ZNF236: variants seen among roughly 807,000 people sequenced by gnomAD.
ZNF236 encodes the protein zinc finger protein 236, also known as regulated by glucose.
A neutral mutation model predicts 191.2 loss-of-function variants in ZNF236; 50 were observed. The ratio of observed to expected loss-of-function variants is 0.26; its 90% confidence interval spans 0.21 to 0.33. ZNF236 has a LOEUF of 0.33. Among genes scored for constraint, ZNF236 ranks in the 10% least tolerant of loss-of-function variants. The pLI, the probability that ZNF236 is intolerant of heterozygous loss-of-function variation, is 1.00. For synonymous variants in ZNF236, 907 were observed against 928.8 expected (o/e 0.98, Z 0.43); for missense variants, 1,754 against 2,374.5 (o/e 0.74, Z 5.43).
chr18:76,880,034 C>G lies in ZNF236; in HGVS notation c.985-79C>G. On this transcript the variant is annotated intron_variant, in intron 7 of 30. Transcript: ENST00000320610. This position sits in a 1 kb window ranked among gnomAD's most constrained non-coding sequence, Gnocchi z 5.0. The stretch of plus-strand genomic sequence containing the variant: ...TTAACACCCTTAAGGAGGGTATTGC[C>G]TGTTTTTTTTTTTTTAATTTTCCTT... The G allele has an allele frequency of 1.2e-6, 1 of 844,144 alleles. No homozygotes were observed. The highest frequency in any genetic ancestry group is 1.7e-6 in the Non-Finnish European group (1 of 582,604). 52.3% of individuals were successfully genotyped at this position (844,144 alleles called of 1,614,324 possible).
rs1239561357 is a variant in ZNF236 at position 76,881,325 on chromosome 18, A to T, written c.1230A>T (p.Ala410=). Residue 410 remains alanine, a synonymous_variant, in exon 9 of 31, where the codon GCA becomes GCT. Coordinates refer to ENST00000320610, the MANE Select transcript of ZNF236 (RefSeq NM_001306089.2). ...ENSGLSSIPA[A]AHPNDSCHAK... ...GTGGGCTGTCTTCAATTCCAGCTGCAGCACATCCTAATGACTCCTGCCATG... is the reference window on the plus strand; with the variant it reads ...GTGGGCTGTCTTCAATTCCAGCTGCTGCACATCCTAATGACTCCTGCCATG... 3.7e-6 allele frequency: 6 copies of T among 1,614,038 alleles called. No individual in the cohort carries two copies. Among genetic ancestry groups the T allele is most frequent in the Non-Finnish European group, 5.1e-6 (6 of 1,180,054 alleles).
At chr18:76,947,112 G>T (rs915957749) in intron 26 of ZNF236, among the ~76,000 whole-genome samples, 12 of 152,060 alleles carry the variant, frequency 7.9e-5, no homozygotes, top group African/African-American at 2.9e-4. Context: ...ATCCGTTCTG[G>T]GTATTTCATA....
chr18:76,847,733 C>T (rs1300744680), intron 1 of ZNF236, among the ~76,000 whole-genome samples: 1 of 152,218 alleles, frequency 6.6e-6, no homozygotes, highest in Non-Finnish European at 1.5e-5. Flanking sequence ...CCTCCTGCCT[C>T]CCAAAGTGCT....
chr18:76,954,403 A>T (rs1314512518), intron 27 of ZNF236, among the ~76,000 whole-genome samples: 1 of 152,238 alleles, frequency 6.6e-6, no homozygotes, highest in Non-Finnish European at 1.5e-5. Flanking sequence ...AGGTCGCTCC[A>T]TAACTACAGG....
chr18:76,830,306 A>G (rs1032014786), intron 1 of ZNF236, among the ~76,000 whole-genome samples: 1 of 152,184 alleles, frequency 6.6e-6, no homozygotes, highest in Non-Finnish European at 1.5e-5. Context: ...TGATAAGTAT[A>G]TAGTATTACA....
At chr18:76,932,427 CAT>C (rs1967880527) in intron 25 of ZNF236, among the ~76,000 whole-genome samples, 1 of 152,164 alleles carries the variant, frequency 6.6e-6, no homozygotes, top group Admixed American at 6.5e-5. Context: ...TTCTAAAACT[CAT>C]AGTTTGTGGT....
At position 76,905,339 on chromosome 18, in the gene ZNF236, C is replaced by A; in HGVS notation, c.2221C>A (p.Arg741Ser). Residue 741 changes from arginine to serine, a missense_variant, in exon 13 of 31, where the codon CGT (arginine) becomes AGT (serine). By Grantham distance (110) the Arg-to-Ser change is moderately radical. This residue lies in a region of ZNF236 where 641 missense variants were observed against 869.6 expected (regional missense o/e 0.74). Transcript: ENST00000320610. ...RRHMGIHNDL[R>S]PYMCPYCQKT... ...ACACATGGGTATCCACAACGACCTT[C>A]GTCCCTATATGTGTCCCTATTGCCA... 1.2e-6 allele frequency: 2 copies of A among 1,614,162 alleles called. No individual in the cohort carries two copies. Among genetic ancestry groups the A allele is most frequent in the Non-Finnish European group, 1.7e-6 (2 of 1,180,024 alleles).
intron 9 of ZNF236, among the ~76,000 whole-genome samples, chr18:76,881,748 C>T (rs963187913): frequency 2.6e-5 from 4 of 152,202 alleles, no homozygotes; most frequent in East Asian, 1.9e-4. Flanking sequence ...CCTGACTCCT[C>T]GCCAGGGCTT....
intron 9 of ZNF236, among the ~76,000 whole-genome samples, chr18:76,884,565 T>TAC (rs1270734728): frequency 6.6e-6 from 1 of 152,206 alleles, no homozygotes; most frequent in African/African-American, 2.4e-5. Context: ...TTGCATACTT[T>TAC]ACCTTCTTAG....
intron 1 of ZNF236, among the ~76,000 whole-genome samples, chr18:76,843,367 T>C (rs1005360907): frequency 1.3e-5 from 2 of 152,168 alleles, no homozygotes; most frequent in Non-Finnish European, 1.5e-5. Context: ...CAAAAAGGGC[T>C]CCAGGATCCA....
rs1384797083 is a variant in ZNF236, at chr18:76,927,370, T to C, written c.4267T>C (p.Ser1423Pro). ...GEPGLAPQNS[S>P]LQTSDSTVPA... ...GCCTGGCCTGGCCCCACAGAACAGC[T>C]CTCTCCAGACATCGGACAGCACGGT... The change falls in exon 24 of 31, where the codon TCT (serine) becomes CCT (proline). Residue 1423 changes from serine (S) to proline (P), a missense_variant. Ser to Pro is a moderately conservative substitution (Grantham distance 74). Transcript: ENST00000320610. The surrounding 1 kb of genome is among the most constrained non-coding windows in gnomAD (Gnocchi z 5.4). 1 of 1,614,148 alleles carries C rather than the reference T, an allele frequency of 6.2e-7. No individual in the cohort carries two copies. Among genetic ancestry groups the C allele is most frequent in the East Asian group, 2.2e-5 (1 of 44,874 alleles).
chr18:76,865,494 C>A (rs1369791915), intron 3 of ZNF236, among the ~76,000 whole-genome samples: 1 of 152,186 alleles, frequency 6.6e-6, no homozygotes, highest in Non-Finnish European at 1.5e-5. Flanking sequence ...GCTTTTTAAA[C>A]TATTCACCAC....
chr18:76,826,277 ATTT>A (rs937771474), intron 1 of ZNF236, among the ~76,000 whole-genome samples: 4 of 119,414 alleles, frequency 3.3e-5, no homozygotes, highest in African/African-American at 9.3e-5. Flanking sequence ...ATGGCTAGCT[ATTT>A]TTTTTTTTTT....
chr18:76,875,311 T>C lies in ZNF236; in HGVS notation c.668-181T>C, dbSNP rs936932483. Among the ~76,000 whole-genome samples, 3 of 152,170 alleles carry C rather than the reference T, an allele frequency of 2.0e-5. No individual in the cohort carries two copies. Among genetic ancestry groups the C allele is most frequent in the Non-Finnish European group, 4.4e-5 (3 of 68,022 alleles). On this transcript the variant is annotated intron_variant, in intron 5 of 30. Transcript: ENST00000320610. This position sits in a 1 kb window ranked among gnomAD's most constrained non-coding sequence, Gnocchi z 4.3. ...TGGAGCAGTTTGCGAGATGGTCAAG[T>C]GCAGTTTTGACATGTTAATTTTGAG...
chr18:76,949,470 G>A (rs1483237592), intron 27 of ZNF236, among the ~76,000 whole-genome samples: 1 of 151,890 alleles, frequency 6.6e-6, no homozygotes, highest in Non-Finnish European at 1.5e-5. Flanking sequence ...TAAAAATGAG[G>A]TAGATAACCA....
chr18:76,957,281 A>G (rs754822978), intron 28 of ZNF236, among the ~76,000 whole-genome samples: 10 of 152,238 alleles, frequency 6.6e-5, no homozygotes, highest in Non-Finnish European at 1.2e-4. Context: ...CCCTGTGACC[A>G]GGATGGCTTT....
intron 1 of ZNF236, among the ~76,000 whole-genome samples, chr18:76,829,259 A>G (rs1036825151): frequency 6.6e-6 from 1 of 151,966 alleles, no homozygotes; most frequent in Non-Finnish European, 1.5e-5. Context: ...CTTCACATGA[A>G]GTATCATGGC....
intron 12 of ZNF236, among the ~76,000 whole-genome samples, chr18:76,904,735 T>A (rs1344079619): frequency 2.6e-5 from 4 of 152,242 alleles, no homozygotes; most frequent in African/African-American, 9.6e-5. Flanking sequence ...TTTATGTATA[T>A]GCTCATTAAA....
intron 1 of ZNF236, among the ~76,000 whole-genome samples, chr18:76,829,331 GTT>G (rs11316393): frequency 0.19 from 26,696 of 138,340 alleles, 2,561 homozygotes; most frequent in East Asian, 0.37. Flanking sequence ...CCTGGGGGAG[GTT>G]TTTTTTTTTT....
Sources: allele counts gnomAD v4.1 joint callset (sites outside exome capture counted in the v4.1 genomes callset), GRCh38; gene constraint gnomAD v4.1.1; regional missense constraint gnomAD v4.1.1; non-coding constraint Gnocchi (gnomAD v3.1); transcripts MANE v1.5; gene names NCBI Gene and HGNC (gene_info 2026-07-23, HGNC 2026-07-21).